HERC6: variants seen among roughly 807,000 people sequenced by gnomAD.
HERC6 encodes probable E3 ubiquitin-protein ligase HERC6.
In HERC6, 101 loss-of-function variants were observed where a neutral mutation model predicts 114.5. The ratio of observed to expected loss-of-function variants is 0.88; its 90% CI spans 0.75 to 1.04. The LOEUF (loss-of-function observed/expected upper bound fraction) is 1.04. Among genes scored for constraint, HERC6 ranks in the 50% least tolerant of loss-of-function variants. The pLI is 0.00. For missense variants in HERC6, 1,133 were observed against 1,230.9 expected, an observed-to-expected ratio of 0.92 and a Z score of 1.19; for synonymous variants, 408 against 436.2, an observed-to-expected ratio of 0.94 and a Z score of 0.81.
At position 88,396,931 on chromosome 4, in the gene HERC6, C is replaced by A. The variant is rs954724306; in HGVS notation, c.968C>A (p.Thr323Asn). ...GHGPSDTSKP[T>N]HPEALTENFD... ...GGACCAAGTGACACAAGCAAGCCAA[C>A]TCATCCGGAGGCCCTGACAGAGAAC... is the stretch of plus-strand genomic sequence containing the variant. The change falls in exon 7 of 23, where the codon ACT becomes AAT. Residue 323 changes from threonine (T) to asparagine (N), a missense_variant. By Grantham distance (65) the Thr-to-Asn change is moderately conservative (BLOSUM62 0). Coordinates refer to ENST00000264346, the MANE Select transcript of HERC6 (RefSeq NM_017912.4). 1 of 1,612,200 alleles carries A rather than the reference C, an allele frequency of 6.2e-7. No individual in the cohort carries two copies. The highest frequency in any genetic ancestry group is 8.5e-7 in the Non-Finnish European group (1 of 1,178,904).
chr4:88,431,434 C>A, intron 17 of HERC6, 129 bp downstream of exon 17: 1 of 1,059,330 alleles, frequency 9.4e-7, no homozygotes, highest in Non-Finnish European at 1.3e-6. Flanking sequence ...TTGAGTAGTA[C>A]TCGTATGGTT....
chr4:88,427,141 A>G (rs913428877), intron 15 of HERC6, among the ~76,000 whole-genome samples: 2 of 152,216 alleles, frequency 1.3e-5, no homozygotes, highest in African/African-American at 4.8e-5. Flanking sequence ...TGGAAAGCTG[A>G]CTTTACAATC....
intron 5 of HERC6, 44 bp from the exon 6 acceptor site, chr4:88,395,971 C>T: frequency 4.6e-6 from 7 of 1,528,246 alleles, no homozygotes; most frequent in Non-Finnish European, 6.2e-6. Flanking sequence ...TTTTAGTTAC[C>T]TTGTTAAACC....
At position 88,388,446 on chromosome 4, in the gene HERC6, G is replaced by A. The variant is rs185841087; in HGVS notation, c.437-2206G>A. ...GGTACCTGCAATCCTAGCTACTTGG[G>A]AGACTGAGGCAGGAGAATCACTTGA... is the stretch of plus-strand genomic sequence containing the variant. On this transcript the variant is annotated intron_variant, in intron 3 of 22. Coordinates refer to ENST00000264346, the MANE Select transcript of HERC6 (RefSeq NM_017912.4). 3.2e-4 allele frequency among the ~76,000 whole-genome samples: 48 copies of A among 151,730 alleles called. No homozygotes were observed. The East Asian group carries it at 8.5e-3, about 27-fold the overall frequency.
At chr4:88,442,165 A>T in intron 22 of HERC6, 69 bp from the exon 23 acceptor site, 1 of 1,101,682 alleles carries the variant, frequency 9.1e-7, no homozygotes, top group Non-Finnish European at 1.3e-6. Flanking sequence ...TGAAGTGATT[A>T]ATTTCTTCCT....
At position 88,380,347 on chromosome 4, in the gene HERC6, AATATAAATAT is replaced by A. The variant is rs1560529383; in HGVS notation, c.199+1233_199+1242del. On this transcript the variant is annotated intron_variant, in intron 1 of 22. Transcript: ENST00000264346. Reference sequence around the variant, plus strand: ...ATATATAATATATAAATATATATATAATATAAATATATATATAATATATAAATATATATAT... The same window carrying A: ...ATATATAATATATAAATATATATATAATATATAATATATAAATATATATAT... Among the ~76,000 whole-genome samples the A allele has an allele frequency of 7.9e-3, 64 of 8,128 alleles. 5 individuals are homozygous for A. Among genetic ancestry groups the A allele is most frequent in the African/African-American group, 0.052 (62 of 1,186 alleles). 5.3% of individuals were successfully genotyped at this position (8,128 alleles called of 152,430 possible).
At chr4:88,381,636 C>T (rs2110225916) in intron 1 of HERC6, among the ~76,000 whole-genome samples, 1 of 146,708 alleles carries the variant, frequency 6.8e-6, no homozygotes, top group East Asian at 2.0e-4. Flanking sequence ...CGGCTCACTG[C>T]AACCTCCGCC....
intron 1 of HERC6, among the ~76,000 whole-genome samples, chr4:88,382,802 G>A (rs928168655): frequency 2.6e-5 from 4 of 152,152 alleles, no homozygotes; most frequent in Non-Finnish European, 4.4e-5. Context: ...GGTTAAAGTG[G>A]AAAGTCCCTT....
intron 9 of HERC6, 48 bp from the exon 10 acceptor site, chr4:88,405,506 C>T (rs781241315): frequency 1.0e-6 from 1 of 985,300 alleles, no homozygotes; most frequent in African/African-American, 1.6e-5. Context: ...TTTCAAAAGG[C>T]ATGCTTTATT....
At chr4:88,387,959 C>T (rs909726118) in intron 3 of HERC6, among the ~76,000 whole-genome samples, 7 of 152,204 alleles carry the variant, frequency 4.6e-5, no homozygotes, top group African/African-American at 1.4e-4. Flanking sequence ...AAGGTGAGTT[C>T]TCATAGACCT....
chr4:88,432,555 A>G (rs1217492136), intron 17 of HERC6, among the ~76,000 whole-genome samples: 2 of 151,944 alleles, frequency 1.3e-5, no homozygotes, highest in African/African-American at 4.8e-5. Context: ...CTGGCGAAAC[A>G]CTGTCTCTAC....
chr4:88,394,545 T>C (rs1264299128), intron 5 of HERC6, among the ~76,000 whole-genome samples: 1 of 148,976 alleles, frequency 6.7e-6, no homozygotes, highest in Non-Finnish European at 1.5e-5. Flanking sequence ...ATTATTATTA[T>C]TATTATTATT....
chr4:88,440,135 T>A lies in HERC6; in HGVS notation c.2740-13T>A. 1 of 1,605,056 alleles carries A rather than the reference T, an allele frequency of 6.2e-7. No individual in the cohort carries two copies. Among genetic ancestry groups the A allele is most frequent in the Non-Finnish European group, 8.5e-7 (1 of 1,173,552 alleles). ...ACCCCACTCAAATCATTTTTCTCCC[T>A]CTTTCTCTCAAGAATTCAAAGTATG... is the stretch of plus-strand genomic sequence containing the variant. On this transcript the variant is annotated splice_polypyrimidine_tract_variant and intron_variant, in intron 21 of 22. Coordinates refer to ENST00000264346, the MANE Select transcript of HERC6 (RefSeq NM_017912.4).
At chr4:88,384,397 T>C (rs1235477742) in intron 2 of HERC6, among the ~76,000 whole-genome samples, 1 of 152,182 alleles carries the variant, frequency 6.6e-6, no homozygotes, top group African/African-American at 2.4e-5. Context: ...TGGCTTGTCA[T>C]AAACCACTGG....
In HERC6 at chr4:88,423,119, C is replaced by T. The variant is rs1248924248; in HGVS notation, c.1714-741C>T. Among the ~76,000 whole-genome samples the T allele has an allele frequency of 2.0e-5, 3 of 150,744 alleles. No individual in the cohort carries two copies. The East Asian group carries it at 5.8e-4, about 29-fold the overall frequency. On this transcript the variant is annotated intron_variant, in intron 13 of 22. Transcript: ENST00000264346. The stretch of plus-strand genomic sequence containing the variant: ...AATTGTTTTTTCTTTTTTAAAGACG[C>T]AGTCTTTTCATTTGTTGATCTTGCT...
intron 16 of HERC6, among the ~76,000 whole-genome samples, chr4:88,429,484 T>C (rs1737969169): frequency 6.6e-6 from 1 of 152,222 alleles, no homozygotes; most frequent in African/African-American, 2.4e-5. Flanking sequence ...GACCTTCCAC[T>C]ATATGAGTTT....
At chr4:88,430,137 G>C (rs1738038922) in intron 16 of HERC6, among the ~76,000 whole-genome samples, 1 of 152,044 alleles carries the variant, frequency 6.6e-6, no homozygotes, top group South Asian at 2.1e-4. Flanking sequence ...AGAGTAGAGA[G>C]AGAACAAAAA....
At chr4:88,386,052 C>T (rs1000068831) in intron 3 of HERC6, among the ~76,000 whole-genome samples, 1 of 152,018 alleles carries the variant, frequency 6.6e-6, no homozygotes, top group Admixed American at 6.6e-5. Flanking sequence ...CCTTTGTCCA[C>T]CCTCAATCCA....
At chr4:88,379,250 G>C in intron 1 of HERC6, 130 bp downstream of exon 1, 1 of 734,804 alleles carries the variant, frequency 1.4e-6, no homozygotes, top group Non-Finnish European at 2.1e-6. Context: ...CCCAGGTGCA[G>C]GGAGCGGCTC....
Sources: allele counts gnomAD v4.1 joint callset (sites outside exome capture counted in the v4.1 genomes callset), GRCh38; gene constraint gnomAD v4.1.1; transcripts MANE v1.5; gene names NCBI Gene and HGNC (gene_info 2026-07-23, HGNC 2026-07-21).